MYO3B: variants seen among roughly 807,000 people sequenced by gnomAD.
MYO3B encodes myosin-IIIb.
Under a neutral mutation model 174.6 loss-of-function variants are expected in MYO3B, and 156 were observed. That is an observed-to-expected ratio of 0.89 (90% confidence interval 0.78 to 1.02). The LOEUF (loss-of-function observed/expected upper bound fraction) is 1.02, where lower values mean the gene tolerates loss of function less well. MYO3B is among the 50% of genes least tolerant of loss of function. The pLI is 0.00. For missense variants in MYO3B, 1,632 were observed against 1,639.4 expected (o/e 1.00, Z 0.08); for synonymous variants, 563 against 569.1 (o/e 0.99, Z 0.15).
chr2:170,397,338 T>A (rs1318481154), intron 16 of MYO3B, among the ~76,000 whole-genome samples: 1 of 152,220 alleles, frequency 6.6e-6, no homozygotes, highest in Non-Finnish European at 1.5e-5. Context: ...TGTGAGGCAA[T>A]GCTTTATCAA....
chr2:170,630,267 C>T (rs1046609856), intron 32 of MYO3B, among the ~76,000 whole-genome samples: 5 of 152,272 alleles, frequency 3.3e-5, no homozygotes, highest in South Asian at 2.1e-4. Flanking sequence ...CTGCACTTGG[C>T]GCAGTGGGTC....
At chr2:170,415,313 C>T (rs1426692114) in intron 22 of MYO3B, among the ~76,000 whole-genome samples, 1 of 152,208 alleles carries the variant, frequency 6.6e-6, no homozygotes, top group African/African-American at 2.4e-5. Flanking sequence ...GATCTTTTCT[C>T]TAAACCTACC....
chr2:170,446,962 C>T (rs2094846989), intron 23 of MYO3B, among the ~76,000 whole-genome samples: 1 of 152,168 alleles, frequency 6.6e-6, no homozygotes, highest in South Asian at 2.1e-4. Context: ...GCTTACTTAG[C>T]AAGGACTGTT....
At chr2:170,183,498 T>G (rs1420522685) in intron 1 of MYO3B, among the ~76,000 whole-genome samples, 1 of 152,194 alleles carries the variant, frequency 6.6e-6, no homozygotes, top group African/African-American at 2.4e-5. Flanking sequence ...CTGATTACTT[T>G]TAACATATAG....
intron 7 of MYO3B, among the ~76,000 whole-genome samples, chr2:170,247,811 T>A (rs2093208164): frequency 6.6e-6 from 1 of 152,136 alleles, no homozygotes; most frequent in Admixed American, 6.5e-5. Flanking sequence ...ATGACCCAAT[T>A]TTCTCCAGAG....
intron 28 of MYO3B, among the ~76,000 whole-genome samples, chr2:170,508,829 T>G (rs149646659): frequency 6.6e-6 from 1 of 152,354 alleles, no homozygotes; most frequent in African/African-American, 2.4e-5. Flanking sequence ...GTACTTAACT[T>G]CTGAGCCTTA....
At chr2:170,498,756 T>C in intron 26 of MYO3B, 53 bp downstream of exon 26, 40 of 1,154,712 alleles carry the variant, frequency 3.5e-5, no homozygotes, top group Non-Finnish European at 4.7e-5. Context: ...TTGTCTCTTG[T>C]CAGTGATGTC....
At chr2:170,366,763 T>A (rs1165139019) in intron 8 of MYO3B, among the ~76,000 whole-genome samples, 2 of 152,200 alleles carry the variant, frequency 1.3e-5, no homozygotes, top group African/African-American at 4.8e-5. Context: ...GGACCCTCTC[T>A]AACATATCAA....
intron 23 of MYO3B, among the ~76,000 whole-genome samples, chr2:170,455,360 A>G (rs533399544): frequency 6.6e-6 from 1 of 152,296 alleles, no homozygotes; most frequent in East Asian, 1.9e-4. Flanking sequence ...TTTCACTGTA[A>G]TAATTGTCTC....
At chr2:170,465,032 A>ATTT (rs34373546) in intron 24 of MYO3B, among the ~76,000 whole-genome samples, 2 of 146,172 alleles carry the variant, frequency 1.4e-5, no homozygotes, top group African/African-American at 2.5e-5. Context: ...ATGCCTGGCA[A>ATTT]TTTTTTTTTT....
chr2:170,295,851 T>G (rs2093625629), intron 7 of MYO3B, among the ~76,000 whole-genome samples: 1 of 152,184 alleles, frequency 6.6e-6, no homozygotes, highest in African/African-American at 2.4e-5. Context: ...TGTTGAGAAT[T>G]ATTTTCTCTT....
intron 1 of MYO3B, among the ~76,000 whole-genome samples, chr2:170,195,708 T>C (rs2092591855): frequency 6.6e-6 from 1 of 152,136 alleles, no homozygotes; most frequent in African/African-American, 2.4e-5. Flanking sequence ...CTCTAGATGC[T>C]AGCATGAGTC....
intron 6 of MYO3B, among the ~76,000 whole-genome samples, chr2:170,218,517 C>T (rs1236242402): frequency 2.6e-5 from 4 of 152,174 alleles, no homozygotes; most frequent in African/African-American, 9.7e-5. Context: ...CTCCATTGTC[C>T]TTTGCAGTGT....
At chr2:170,550,435 G>A (rs759362653) in intron 32 of MYO3B, among the ~76,000 whole-genome samples, 6 of 152,166 alleles carry the variant, frequency 3.9e-5, no homozygotes, top group Non-Finnish European at 8.8e-5. Flanking sequence ...TGGAGGCGGG[G>A]ATTCGTATTG....
chr2:170,457,543 C>G (rs1205798387), intron 23 of MYO3B, among the ~76,000 whole-genome samples: 7 of 151,842 alleles, frequency 4.6e-5, no homozygotes, highest in African/African-American at 1.7e-4. Context: ...TTAGCCTAGG[C>G]CTACACAGGC....
At chr2:170,232,172 A>G (rs1441294185) in intron 6 of MYO3B, among the ~76,000 whole-genome samples, 6 of 152,340 alleles carry the variant, frequency 3.9e-5, no homozygotes, top group African/African-American at 1.2e-4. Flanking sequence ...AAGGGAAGAA[A>G]GACCATTCGA....
At chr2:170,208,158 C>G (rs2092733838) in intron 3 of MYO3B, among the ~76,000 whole-genome samples, 1 of 152,206 alleles carries the variant, frequency 6.6e-6, no homozygotes, top group Non-Finnish European at 1.5e-5. Flanking sequence ...TATCATCTAC[C>G]TCTGGATCCC....
At chr2:170,562,036 G>T (rs908303020) in intron 32 of MYO3B, among the ~76,000 whole-genome samples, 3 of 151,720 alleles carry the variant, frequency 2.0e-5, no homozygotes, top group African/African-American at 7.3e-5. Flanking sequence ...ATTTGTTTTT[G>T]ATTTAAAAAA....
At position 170,370,135 on chromosome 2, in the gene MYO3B, C is replaced by T. The variant is rs114238950; in HGVS notation, c.971+758C>T. Among the ~76,000 whole-genome samples, 309 of 152,220 alleles carry T rather than the reference C, an allele frequency of 2.0e-3. 1 individual carries two copies. The highest frequency in any genetic ancestry group is 6.0e-3 in the African/African-American group (249 of 41,532). On this transcript the variant is annotated intron_variant, in intron 9 of 34. Transcript: ENST00000408978. ...TAAAAAAAATTAAATGCAAATAAAC[C>T]TGCTTCCTATGCTCAGCAATTATTT...
Sources: gnomAD v4.1 joint callset for allele counts (sites outside exome capture counted in the v4.1 genomes callset) on GRCh38, gnomAD v4.1.1 for gene constraint, MANE v1.5 for transcripts, NCBI Gene and HGNC (gene_info 2026-07-23, HGNC 2026-07-21) for gene names.